BCR: variants seen among roughly 807,000 people sequenced by gnomAD.
The protein encoded by BCR is BCR activator of RhoGEF and GTPase.
A neutral mutation model predicts 138.6 loss-of-function variants in BCR; 58 were observed. The ratio of observed to expected loss-of-function variants is 0.42; its 90% confidence interval spans 0.34 to 0.52. The LOEUF (loss-of-function observed/expected upper bound fraction) is 0.52, where lower values mean the gene tolerates loss of function less well. Ranked by LOEUF, BCR falls within the 20% of genes least tolerant of loss-of-function variation. The pLI is 0.06. For missense variants in BCR, 1,599 were observed against 1,727.2 expected (o/e 0.93, Z 1.32); for synonymous variants, 786 against 730.1 (o/e 1.08, Z -1.23).
intron 22 of BCR, 105 bp from the exon 23 acceptor site, chr22:23,315,328 C>T: frequency 9.5e-7 from 1 of 1,053,484 alleles, no homozygotes; most frequent in Non-Finnish European, 1.5e-6. Flanking sequence ...GCAGGGGTCC[C>T]CAGCACCTGA....
chr22:23,233,846 TGCCCAGGGAGGCGTGCCAGCCAGGG>T (rs2072990391), intron 1 of BCR, among the ~76,000 whole-genome samples: 1 of 149,484 alleles, frequency 6.7e-6, no homozygotes, highest in South Asian at 2.1e-4. Context: ...TGACTTCACC[TGCCCAGGGAGGCGTGCCAGCCAGGG>T]GCCCATGGAG....
At chr22:23,195,597 T>C (rs1341378306) in intron 1 of BCR, among the ~76,000 whole-genome samples, 1 of 147,394 alleles carries the variant, frequency 6.8e-6, no homozygotes, top group Non-Finnish European at 1.5e-5. Flanking sequence ...TCTCAAAAAA[T>C]AAAAACCGGC....
chr22:23,286,821 C>T (rs1044225429), intron 10 of BCR, among the ~76,000 whole-genome samples: 6 of 152,186 alleles, frequency 3.9e-5, no homozygotes, highest in Non-Finnish European at 7.3e-5. Context: ...TCACAGCAGC[C>T]TCCTAGACAT....
Position 23,290,204 on chromosome 22 carries a change from A to G in BCR, c.2708-135A>G, listed in dbSNP as rs1468097628. 22 of 867,928 alleles carry G rather than the reference A, an allele frequency of 2.5e-5. No homozygotes were observed. In the South Asian group the frequency reaches 2.7e-4, roughly 11 times the overall value. The allele number at this position is 867,928 out of a possible 1,614,324, so 53.8% of individuals were successfully genotyped here. On this transcript the variant is annotated intron_variant, in intron 13 of 22. Coordinates refer to ENST00000305877, the MANE Select transcript of BCR (RefSeq NM_004327.4). ...GATGAGTATGTTTTTGGCCCATGAC[A>G]CTGGCTTACCTTGTGCCAGGCAGAT...
chr22:23,183,138 C>T (rs551006555), intron 1 of BCR, among the ~76,000 whole-genome samples: 2 of 152,332 alleles, frequency 1.3e-5, no homozygotes, highest in South Asian at 4.1e-4. Context: ...GTACGCCTAA[C>T]TTCTGTGCTA....
At chr22:23,192,782 G>A (rs1046424382) in intron 1 of BCR, among the ~76,000 whole-genome samples, 6 of 152,208 alleles carry the variant, frequency 3.9e-5, no homozygotes, top group Non-Finnish European at 8.8e-5. Flanking sequence ...TGCTGACAGT[G>A]GTCTGTTGTG....
rs762729543 is a variant in BCR, at chr22:23,181,693, G to A, written c.733G>A (p.Asp245Asn). ...SSESSCGVDG[D>N]YEDAELNPRF... Reference sequence around the variant, plus strand: ...GGAGAGCAGCTGCGGCGTCGACGGCGACTACGAGGACGCCGAGTTGAACCC... The same window carrying A: ...GGAGAGCAGCTGCGGCGTCGACGGCAACTACGAGGACGCCGAGTTGAACCC... The change falls in exon 1 of 23, where the codon GAC (aspartate) becomes AAC (asparagine). Residue 245 changes from aspartate to asparagine, a missense_variant. Coordinates refer to ENST00000305877, the MANE Select transcript of BCR (RefSeq NM_004327.4). 9 of 1,604,684 alleles carry A rather than the reference G, an allele frequency of 5.6e-6. No homozygotes were observed. Among genetic ancestry groups the A allele is most frequent in the Non-Finnish European group, 8.5e-7 (1 of 1,179,886 alleles).
intron 12 of BCR, among the ~76,000 whole-genome samples, chr22:23,289,187 G>A (rs978238591): frequency 6.6e-6 from 1 of 152,248 alleles, no homozygotes; most frequent in Admixed American, 6.5e-5. Flanking sequence ...GCTGCTGTCT[G>A]TATGGGGAGA....
At chr22:23,254,714 AC>A (rs1284091588) in intron 2 of BCR, among the ~76,000 whole-genome samples, 1 of 152,036 alleles carries the variant, frequency 6.6e-6, no homozygotes, top group African/African-American at 2.4e-5. Context: ...CCAGATGCTC[AC>A]CCCTTGCCAT....
intron 1 of BCR, among the ~76,000 whole-genome samples, chr22:23,186,988 G>T (rs1156267802): frequency 6.6e-6 from 1 of 152,186 alleles, no homozygotes; most frequent in Admixed American, 6.5e-5. Flanking sequence ...CACCCGTCTT[G>T]GCCTCCCAGA....
chr22:23,249,158 G>T (rs368780014), intron 1 of BCR, among the ~76,000 whole-genome samples: 3 of 151,960 alleles, frequency 2.0e-5, no homozygotes, highest in Non-Finnish European at 2.9e-5. Context: ...GGCCAGGCAC[G>T]GTGGCTCACG....
chr22:23,299,899 A>G (rs996993482), intron 16 of BCR, among the ~76,000 whole-genome samples: 6 of 152,138 alleles, frequency 3.9e-5, no homozygotes, highest in Non-Finnish European at 8.8e-5. Context: ...CGGGGCCTTC[A>G]TGGTGAGGGG....
intron 1 of BCR, chr22:23,243,046 G>A (rs1210034174): frequency 1.0e-5 from 3 of 295,772 alleles, no homozygotes; most frequent in African/African-American, 6.6e-5. Context: ...GTCCATCAGT[G>A]TGATATTGTG....
rs371986661 is a variant in BCR at position 23,252,427 on chromosome 22, C to CTTTTTTTTTTTTTTT, written c.1280-1368_1280-1367insTTTTTTTTTTTTTTT. ...TTGGGTTTCCCTTTCTTTTTCTTTT[C>CTTTTTTTTTTTTTTT]TTTTCTTTTTTTTTTTTTTTTGAGA... is the stretch of plus-strand genomic sequence containing the variant. On this transcript the variant is annotated intron_variant, in intron 1 of 22. Transcript: ENST00000305877. Among the ~76,000 whole-genome samples, 40 of 119,506 alleles carry CTTTTTTTTTTTTTTT rather than the reference C, an allele frequency of 3.3e-4. 9 individuals carry two copies. Among genetic ancestry groups the CTTTTTTTTTTTTTTT allele is most frequent in the Middle Eastern group, 5.1e-3 (1 of 196 alleles). The allele number at this position is 119,506 out of a possible 152,430, so 78.4% of individuals were successfully genotyped here. A position where few individuals can be genotyped will look rare whatever the true frequency, so the allele number is the denominator to read the frequency against.
At chr22:23,313,857 T>G (rs1454836602) in intron 20 of BCR, 111 bp from the exon 21 acceptor site, 1 of 889,850 alleles carries the variant, frequency 1.1e-6, no homozygotes, top group Non-Finnish European at 1.9e-6. Flanking sequence ...CTGAGGATGA[T>G]GACGAGCCTG....
intron 1 of BCR, chr22:23,216,982 C>T (rs771450775): frequency 1.8e-5 from 8 of 434,552 alleles, no homozygotes; most frequent in South Asian, 6.5e-5. Flanking sequence ...CAGATCTAAG[C>T]GGGGGTAGAA....
At chr22:23,295,784 A>T (rs2073838768) in intron 16 of BCR, among the ~76,000 whole-genome samples, 1 of 152,064 alleles carries the variant, frequency 6.6e-6, no homozygotes, top group African/African-American at 2.4e-5. Context: ...AGCCCCTGGG[A>T]GCACGCCACC....
chr22:23,288,271 TTTATCCAAG>T (rs1454267702), intron 12 of BCR, 99 bp downstream of exon 12: 1 of 1,247,950 alleles, frequency 8.0e-7, no homozygotes, highest in Non-Finnish European at 1.2e-6. Flanking sequence ...TTCGAGGGGT[TTTATCCAAG>T]TGAAGTGTTG....
In BCR at chr22:23,261,438, G is replaced by C; in HGVS notation, c.1650G>C (p.Val550=). The C allele has an allele frequency of 6.2e-7, 1 of 1,613,830 alleles. No individual in the cohort carries two copies. The highest frequency in any genetic ancestry group is 2.2e-5 in the East Asian group (1 of 44,856). ...SQQIETIFFK[V]PELYEIHKEF... The stretch of plus-strand genomic sequence containing the variant: ...AGATCGAGACCATCTTCTTCAAAGT[G>C]CCTGAGCTCTACGAGATCCACAAGG... Residue 550 remains valine, a synonymous_variant, in exon 4 of 23, where the codon GTG becomes GTC. Coordinates refer to ENST00000305877, the MANE Select transcript of BCR (RefSeq NM_004327.4).
Sources: gnomAD v4.1 joint callset for allele counts (sites outside exome capture counted in the v4.1 genomes callset) on GRCh38, gnomAD v4.1.1 for gene constraint, MANE v1.5 for transcripts, NCBI Gene and HGNC (gene_info 2026-07-23, HGNC 2026-07-21) for gene names.